The following FBXL17 variants were observed in gnomAD, a reference collection of about 807,000 sequenced individuals.
FBXL17 encodes the protein F-box/LRR-repeat protein 17.
In FBXL17, 22 loss-of-function variants were observed where a neutral mutation model predicts 66.2. That is an observed-to-expected ratio of 0.33 (90% CI 0.24 to 0.47). The LOEUF is 0.47. Ranked by LOEUF, FBXL17 falls within the 20% of genes least tolerant of loss-of-function variation. FBXL17 has a pLI of 1.00. For synonymous variants in FBXL17, 474 were observed against 400.5 expected (o/e 1.18, Z -2.19); for missense variants, 878 against 948.2 (o/e 0.93, Z 0.97).
At chr5:108,164,001 T>C (rs963780068) in intron 6 of FBXL17, among the ~76,000 whole-genome samples, 24 of 152,296 alleles carry the variant, frequency 1.6e-4, no homozygotes, top group African/African-American at 5.3e-4. Flanking sequence ...CAGTACAAGA[T>C]AGGCAAGTAT....
At chr5:107,978,785 A>G (rs1752688250) in intron 7 of FBXL17, among the ~76,000 whole-genome samples, 1 of 152,190 alleles carries the variant, frequency 6.6e-6, no homozygotes, top group Non-Finnish European at 1.5e-5. Flanking sequence ...AATATTTGAG[A>G]TTTAAGTAAT....
At chr5:107,954,122 T>C (rs1440524899) in intron 7 of FBXL17, among the ~76,000 whole-genome samples, 4 of 152,242 alleles carry the variant, frequency 2.6e-5, no homozygotes, top group Admixed American at 6.5e-5. Context: ...ATATTTTTGA[T>C]AGTTTTGAAT....
At chr5:108,272,935 A>G (rs773273478) in intron 4 of FBXL17, among the ~76,000 whole-genome samples, 2 of 152,160 alleles carry the variant, frequency 1.3e-5, no homozygotes, top group Non-Finnish European at 2.9e-5. Context: ...GTTCTTTTCT[A>G]TTTTCCCTAA....
intron 7 of FBXL17, among the ~76,000 whole-genome samples, chr5:107,996,900 C>T (rs1021881210): frequency 6.6e-6 from 1 of 152,146 alleles, no homozygotes; most frequent in Non-Finnish European, 1.5e-5. Flanking sequence ...TGGTACCTCT[C>T]CTGGAAAAAT....
chr5:108,287,461 T>C (rs945415338), intron 4 of FBXL17, among the ~76,000 whole-genome samples: 4 of 151,996 alleles, frequency 2.6e-5, no homozygotes, highest in African/African-American at 9.7e-5. Context: ...GCAAAGGATA[T>C]GAACAGACAC....
intron 7 of FBXL17, among the ~76,000 whole-genome samples, chr5:107,906,859 A>C (rs750819070): frequency 2.0e-5 from 3 of 152,192 alleles, no homozygotes; most frequent in Non-Finnish European, 4.4e-5. Flanking sequence ...AACATTATGA[A>C]ATATTTAGGT....
chr5:107,920,934 C>G (rs1443484717), intron 7 of FBXL17, among the ~76,000 whole-genome samples: 1 of 151,986 alleles, frequency 6.6e-6, no homozygotes, highest in Non-Finnish European at 1.5e-5. Flanking sequence ...CATGTCAGGA[C>G]CATGGTTTAC....
chr5:108,243,830 GA>G (rs1755972150), intron 4 of FBXL17, among the ~76,000 whole-genome samples: 1 of 152,100 alleles, frequency 6.6e-6, no homozygotes, highest in Non-Finnish European at 1.5e-5. Flanking sequence ...AGAAAAACCA[GA>G]AATAGTATAT....
chr5:108,016,247 C>A (rs1754381489), intron 7 of FBXL17, among the ~76,000 whole-genome samples: 1 of 152,082 alleles, frequency 6.6e-6, no homozygotes, highest in East Asian at 1.9e-4. Flanking sequence ...GTACTGCGAT[C>A]AAGAATACAG....
chr5:108,080,077 GATTT>G lies in FBXL17; in HGVS notation c.1746-59080_1746-59077del, dbSNP rs547833016. Among the ~76,000 whole-genome samples, 485 of 152,250 alleles carry G rather than the reference GATTT, an allele frequency of 3.2e-3. 3 individuals carry two copies. The highest frequency in any genetic ancestry group is 0.011 in the African/African-American group (461 of 41,542). ...CACCACCTACTGTCTGGAGGCACTA[GATTT>G]ATTCAGTGTATCCCTGTGACACTGT... On this transcript the variant is annotated intron_variant, in intron 6 of 8. Transcript: ENST00000542267.
At chr5:108,220,043 T>C (rs1754792846) in intron 5 of FBXL17, among the ~76,000 whole-genome samples, 1 of 151,544 alleles carries the variant, frequency 6.6e-6, no homozygotes, top group African/African-American at 2.4e-5. Context: ...CTCATATTGG[T>C]ATTTGTTTCA....
At chr5:108,155,974 C>T (rs1308962914) in intron 6 of FBXL17, among the ~76,000 whole-genome samples, 4 of 151,980 alleles carry the variant, frequency 2.6e-5, no homozygotes, top group African/African-American at 4.8e-5. Context: ...AATAAAAAGG[C>T]TACCTTTTGC....
intron 5 of FBXL17, among the ~76,000 whole-genome samples, chr5:108,190,549 A>G (rs1753429823): frequency 6.6e-6 from 1 of 152,214 alleles, no homozygotes; most frequent in African/African-American, 2.4e-5. Context: ...GTCAATAGTC[A>G]CATGCTTCCA....
At chr5:108,131,805 A>T (rs1750943875) in intron 6 of FBXL17, among the ~76,000 whole-genome samples, 1 of 152,146 alleles carries the variant, frequency 6.6e-6, no homozygotes, top group South Asian at 2.1e-4. Context: ...AAATTATCTC[A>T]ATAAATGTAA....
At chr5:108,327,502 T>C (rs1214650614) in intron 4 of FBXL17, among the ~76,000 whole-genome samples, 1 of 152,130 alleles carries the variant, frequency 6.6e-6, no homozygotes. Context: ...AGAATGAAGA[T>C]TCATGGCAAA....
intron 4 of FBXL17, among the ~76,000 whole-genome samples, 173 bp downstream of exon 4, chr5:108,348,226 A>T (rs1400540104): frequency 6.6e-6 from 1 of 152,218 alleles, no homozygotes; most frequent in Non-Finnish European, 1.5e-5. Context: ...AACACCATCT[A>T]TTCAGTTAAA....
chr5:107,901,832 G>A (rs1749576044), intron 7 of FBXL17, among the ~76,000 whole-genome samples: 1 of 152,188 alleles, frequency 6.6e-6, no homozygotes, highest in African/African-American at 2.4e-5. Flanking sequence ...GGAAAGGTAG[G>A]CACTGGGAAT....
At chr5:108,092,248 G>T (rs1421742527) in intron 6 of FBXL17, among the ~76,000 whole-genome samples, 3 of 152,202 alleles carry the variant, frequency 2.0e-5, no homozygotes, top group Non-Finnish European at 4.4e-5. Context: ...TGGATACAAT[G>T]AGAGTAGATA....
At position 108,204,218 on chromosome 5, in the gene FBXL17, T is replaced by C. The variant is rs78549529; in HGVS notation, c.1615-17971A>G. On this transcript the variant is annotated intron_variant, in intron 5 of 8. Transcript: ENST00000542267. ...AGGTCTTTTCTTTTTTCTTTTTTCCTTTCAGAGATAGGATCTCGCTGATTG... is the reference window on the plus strand; with the variant it reads ...AGGTCTTTTCTTTTTTCTTTTTTCCCTTCAGAGATAGGATCTCGCTGATTG... Among the ~76,000 whole-genome samples the C allele has an allele frequency of 8.3e-3, 1,269 of 152,196 alleles. 19 individuals carry two copies. The highest frequency in any genetic ancestry group is 0.028 in the African/African-American group (1,145 of 41,528).
Sources: gnomAD v4.1 joint callset for allele counts (sites outside exome capture counted in the v4.1 genomes callset) on GRCh38, gnomAD v4.1.1 for gene constraint, MANE v1.5 for transcripts, NCBI Gene and HGNC (gene_info 2026-07-23, HGNC 2026-07-21) for gene names.